TECRL: variants seen among roughly 807,000 people sequenced by gnomAD.
TECRL encodes the protein trans-2,3-enoyl-CoA reductase-like.
TECRL carries 63 observed loss-of-function variants against 52.8 expected under a neutral mutation model. The observed-to-expected ratio is 1.19, with a 90% CI of 0.97 to 1.47. The LOEUF is 1.47. Ranked by LOEUF, TECRL falls within the 40% of genes most tolerant of loss-of-function variation. The probability of loss-of-function intolerance (pLI) is 0.00; values close to 1 mark genes in which losing one functional copy is unlikely to be tolerated. For missense variants in TECRL, 482 were observed against 429.6 expected, an observed-to-expected ratio of 1.12 and a Z score of -1.08; for synonymous variants, 164 against 141.9, an observed-to-expected ratio of 1.16 and a Z score of -1.10.
chr4:64,354,893 A>G (rs745755255), intron 2 of TECRL, among the ~76,000 whole-genome samples: 1 of 152,186 alleles, frequency 6.6e-6, no homozygotes, highest in African/African-American at 2.4e-5. Context: ...AATAAAATTC[A>G]GTTTTAACTA....
At chr4:64,407,721 T>A (rs1375953022) in intron 1 of TECRL, among the ~76,000 whole-genome samples, 1 of 151,686 alleles carries the variant, frequency 6.6e-6, no homozygotes, top group Non-Finnish European at 1.5e-5. Context: ...AAGATTTGTG[T>A]TTTTCATAGT....
chr4:64,338,529 C>G (rs1005571841), intron 2 of TECRL, among the ~76,000 whole-genome samples: 2 of 152,078 alleles, frequency 1.3e-5, no homozygotes, highest in African/African-American at 4.8e-5. Context: ...TTGCAATCTG[C>G]TCATCTGACA....
intron 2 of TECRL, among the ~76,000 whole-genome samples, chr4:64,352,884 A>G (rs991036523): frequency 2.2e-4 from 33 of 152,198 alleles, no homozygotes; most frequent in African/African-American, 7.5e-4. Context: ...TTCTAATTTT[A>G]TTTATTTATT....
At chr4:64,363,476 G>A (rs7661479) in intron 2 of TECRL, among the ~76,000 whole-genome samples, 136,674 of 152,056 alleles carry the variant, frequency 0.9, 62,079 homozygotes, top group East Asian at 1. Context: ...CCCAACAAAG[G>A]AGACAGGGTC....
intron 2 of TECRL, among the ~76,000 whole-genome samples, chr4:64,341,125 G>A (rs1049633859): frequency 1.3e-5 from 2 of 152,124 alleles, no homozygotes; most frequent in Admixed American, 6.5e-5. Context: ...AACACTTGTT[G>A]GGAGACCCTG....
At chr4:64,316,788 G>C (rs1717525458) in intron 4 of TECRL, among the ~76,000 whole-genome samples, 1 of 152,044 alleles carries the variant, frequency 6.6e-6, no homozygotes, top group Non-Finnish European at 1.5e-5. Flanking sequence ...TTATTTTGAA[G>C]ACAAACACTA....
chr4:64,380,384 G>A (rs1460680183), intron 1 of TECRL, among the ~76,000 whole-genome samples: 2 of 151,966 alleles, frequency 1.3e-5, no homozygotes, highest in Non-Finnish European at 2.9e-5. Context: ...GTTATTTCCT[G>A]TGTTATGCAG....
intron 4 of TECRL, among the ~76,000 whole-genome samples, chr4:64,317,443 TG>T (rs1298229479): frequency 1.3e-5 from 2 of 152,296 alleles, no homozygotes; most frequent in Middle Eastern, 3.4e-3. Context: ...AGGGCATTGT[TG>T]GATTTACTGT....
chr4:64,343,834 T>C (rs1310147436), intron 2 of TECRL, among the ~76,000 whole-genome samples: 2 of 151,974 alleles, frequency 1.3e-5, no homozygotes, highest in East Asian at 1.9e-4. Flanking sequence ...TTACACACTT[T>C]AGAGCCACGG....
At chr4:64,291,815 T>C (rs1233690902) in intron 8 of TECRL, among the ~76,000 whole-genome samples, 2 of 151,730 alleles carry the variant, frequency 1.3e-5, no homozygotes, top group Non-Finnish European at 2.9e-5. Flanking sequence ...ACAAAAAATA[T>C]GAGAGAGAAA....
At chr4:64,395,865 C>G (rs572576621) in intron 1 of TECRL, among the ~76,000 whole-genome samples, 303 of 152,190 alleles carry the variant, frequency 2.0e-3, no homozygotes, top group African/African-American at 7.0e-3. Flanking sequence ...CTATTGTTCC[C>G]TTTTATGTGT....
At chr4:64,297,380 T>A (rs945846814) in intron 8 of TECRL, among the ~76,000 whole-genome samples, 1 of 151,228 alleles carries the variant, frequency 6.6e-6, no homozygotes, top group Non-Finnish European at 1.5e-5. Context: ...CTTCATCTTA[T>A]ATTAAAAGAG....
chr4:64,384,002 C>A (rs367715041), intron 1 of TECRL, among the ~76,000 whole-genome samples: 1 of 151,880 alleles, frequency 6.6e-6, no homozygotes, highest in Non-Finnish European at 1.5e-5. Flanking sequence ...AATCAGCATC[C>A]GTATTGTCTA....
intron 1 of TECRL, among the ~76,000 whole-genome samples, chr4:64,386,216 C>T (rs769628598): frequency 3.3e-5 from 5 of 151,854 alleles, no homozygotes; most frequent in Non-Finnish European, 7.4e-5. Context: ...GCATTATTAA[C>T]CATTATAAAG....
At chr4:64,310,219 G>A (rs1020855933) in intron 5 of TECRL, among the ~76,000 whole-genome samples, 2 of 152,094 alleles carry the variant, frequency 1.3e-5, no homozygotes, top group African/African-American at 4.8e-5. Flanking sequence ...CCAGGAGTGG[G>A]TATAAATATA....
chr4:64,337,021 G>T (rs550539225), intron 2 of TECRL, among the ~76,000 whole-genome samples: 2 of 152,194 alleles, frequency 1.3e-5, no homozygotes, highest in East Asian at 3.9e-4. Context: ...CTGTCTATTA[G>T]GTCCGCTTGG....
At chr4:64,366,818 G>T (rs1721630419) in intron 2 of TECRL, among the ~76,000 whole-genome samples, 1 of 151,930 alleles carries the variant, frequency 6.6e-6, no homozygotes, top group Non-Finnish European at 1.5e-5. Flanking sequence ...AATTGGTTCA[G>T]TCACAGTTGG....
intron 11 of TECRL, 50 bp from the exon 12 acceptor site, chr4:64,280,249 G>T: frequency 2.0e-6 from 1 of 510,214 alleles, no homozygotes; most frequent in Non-Finnish European, 2.6e-6. Flanking sequence ...TCTATGAAAT[G>T]TTATATTAGG....
At chr4:64,340,703 C>A (rs1719507050) in intron 2 of TECRL, among the ~76,000 whole-genome samples, 1 of 152,184 alleles carries the variant, frequency 6.6e-6, no homozygotes, top group Admixed American at 6.5e-5. Flanking sequence ...GGCTCCTGGG[C>A]AGAGGGGGCC....
Sources: allele counts gnomAD v4.1 joint callset (sites outside exome capture counted in the v4.1 genomes callset), GRCh38; gene constraint gnomAD v4.1.1; transcripts MANE v1.5; gene names NCBI Gene and HGNC (gene_info 2026-07-23, HGNC 2026-07-21).